Variants in PCDH15 observed in about 807,000 individuals in gnomAD.
PCDH15 encodes protocadherin related 15.
Under a neutral mutation model 178.5 loss-of-function variants are expected in PCDH15, and 129 were observed. The ratio of observed to expected loss-of-function variants is 0.72; its 90% CI spans 0.63 to 0.84. PCDH15 has a LOEUF of 0.84. Among genes scored for constraint, PCDH15 ranks in the 40% least tolerant of loss-of-function variants. The pLI, the probability that PCDH15 is intolerant of heterozygous loss-of-function variation, is 0.00. For missense variants in PCDH15, 2,230 were observed against 2,099.9 expected (o/e 1.06, Z -1.21); for synonymous variants, 800 against 732.0 (o/e 1.09, Z -1.50).
chr10:55,363,655 G>C (rs918374275), intron 2 of PCDH15, among the ~76,000 whole-genome samples: 1 of 151,956 alleles, frequency 6.6e-6, no homozygotes. Flanking sequence ...GATGTGGGGG[G>C]ACGGAATTTC....
At chr10:54,260,210 G>T (rs2057208416) in intron 8 of PCDH15, among the ~76,000 whole-genome samples, 1 of 152,096 alleles carries the variant, frequency 6.6e-6, no homozygotes, top group Non-Finnish European at 1.5e-5. Flanking sequence ...TTATAGTTTT[G>T]TCACGAGTTT....
upstream of PCDH15, among the ~76,000 whole-genome samples, chr10:54,806,256 T>C (rs535915741): frequency 2.0e-5 from 3 of 152,308 alleles, no homozygotes; most frequent in South Asian, 2.1e-4. Flanking sequence ...ATGCTGGATG[T>C]ATTAGTATTG....
At chr10:53,959,602 G>C (rs1564862328) in intron 23 of PCDH15, 130 bp downstream of exon 23, 11 of 669,302 alleles carry the variant, frequency 1.6e-5, no homozygotes, top group Non-Finnish European at 8.0e-6. Flanking sequence ...TATATTTTAT[G>C]TTAATTTAGA....
chr10:54,451,817 T>C (rs983392888), intron 3 of PCDH15, among the ~76,000 whole-genome samples: 1 of 151,944 alleles, frequency 6.6e-6, no homozygotes, highest in African/African-American at 2.4e-5. Flanking sequence ...TCATATTTTA[T>C]CAAGCTGAAA....
At chr10:54,394,920 G>A (rs550012676) in intron 3 of PCDH15, among the ~76,000 whole-genome samples, 1 of 152,196 alleles carries the variant, frequency 6.6e-6, no homozygotes, top group East Asian at 1.9e-4. Flanking sequence ...GAGAAATATG[G>A]CTCTGTTCTG....
At chr10:55,073,258 G>A (rs1472662928) in intron 2 of PCDH15, among the ~76,000 whole-genome samples, 1 of 151,980 alleles carries the variant, frequency 6.6e-6, no homozygotes, top group Non-Finnish European at 1.5e-5. Flanking sequence ...GGGCAATTAG[G>A]CAGGAGAAGG....
At chr10:55,052,933 T>A (rs538167688) in intron 2 of PCDH15, among the ~76,000 whole-genome samples, 1 of 152,132 alleles carries the variant, frequency 6.6e-6, no homozygotes. Flanking sequence ...AAATTTGACA[T>A]GCAGGAGCAA....
At chr10:54,933,937 T>G (rs975342054) in intron 2 of PCDH15, among the ~76,000 whole-genome samples, 9 of 152,160 alleles carry the variant, frequency 5.9e-5, no homozygotes, top group Non-Finnish European at 1.2e-4. Context: ...TTACTGTGAA[T>G]ATAAATTTAA....
chr10:54,667,498 G>C (rs2094589643), intron 1 of PCDH15, among the ~76,000 whole-genome samples: 1 of 152,086 alleles, frequency 6.6e-6, no homozygotes, highest in African/African-American at 2.4e-5. Context: ...GAGATCAAAT[G>C]CTTTAGACAA....
intron 2 of PCDH15, among the ~76,000 whole-genome samples, chr10:54,898,531 C>CT (rs1338994061): frequency 6.6e-6 from 1 of 152,068 alleles, no homozygotes; most frequent in East Asian, 1.9e-4. Context: ...TTCAGCAACT[C>CT]TTTCTCTCAA....
At chr10:54,092,784 C>A (rs1417007280) in intron 15 of PCDH15, among the ~76,000 whole-genome samples, 2 of 151,994 alleles carry the variant, frequency 1.3e-5, no homozygotes, top group African/African-American at 4.8e-5. Context: ...ATCTTAACCC[C>A]AAAAAGCTTA....
intron 1 of PCDH15, among the ~76,000 whole-genome samples, chr10:55,310,171 A>C (rs1843547314): frequency 6.6e-6 from 1 of 152,180 alleles, no homozygotes; most frequent in Non-Finnish European, 1.5e-5. Context: ...CACATTAAAA[A>C]TCTATAATTA....
chr10:55,369,767 A>G (rs1285568519), intron 2 of PCDH15, among the ~76,000 whole-genome samples: 1 of 152,042 alleles, frequency 6.6e-6, no homozygotes, highest in East Asian at 1.9e-4. Context: ...GTCATGCCTC[A>G]TAACCCAGAA....
chr10:55,113,338 T>C (rs935070853), intron 2 of PCDH15, among the ~76,000 whole-genome samples: 3 of 152,122 alleles, frequency 2.0e-5, no homozygotes, highest in African/African-American at 7.2e-5. Context: ...TTAGTTATCA[T>C]ATCTCCTTGG....
chr10:54,872,735 C>A (rs1954061452), intron 3 of PCDH15, among the ~76,000 whole-genome samples: 1 of 151,978 alleles, frequency 6.6e-6, no homozygotes, highest in African/African-American at 2.4e-5. Flanking sequence ...TCACTGGGAG[C>A]CACGAAGTGT....
chr10:55,004,315 T>C (rs932747897), intron 2 of PCDH15, among the ~76,000 whole-genome samples: 4 of 152,054 alleles, frequency 2.6e-5, no homozygotes, highest in Admixed American at 6.6e-5. Flanking sequence ...GATTGAGAAA[T>C]TGGTAAACAG....
chr10:55,151,695 A>G (rs11004754), intron 2 of PCDH15, among the ~76,000 whole-genome samples: 55,456 of 151,870 alleles, frequency 0.37, 10,504 homozygotes, highest in Admixed American at 0.46. Context: ...AGATTTTTGC[A>G]GACTAACATT....
chr10:55,200,971 G>A (rs1840230065), intron 1 of PCDH15, among the ~76,000 whole-genome samples: 1 of 152,038 alleles, frequency 6.6e-6, no homozygotes, highest in Non-Finnish European at 1.5e-5. Context: ...CCACTCTCAA[G>A]TAATTCCTTA....
intron 2 of PCDH15, among the ~76,000 whole-genome samples, chr10:55,013,402 C>G (rs1210053427): frequency 7.5e-6 from 1 of 134,074 alleles, no homozygotes; most frequent in Admixed American, 7.5e-5. Flanking sequence ...AGAATTGGCA[C>G]CTGGTTACCA....
Sources: gnomAD v4.1 joint callset for allele counts (sites outside exome capture counted in the v4.1 genomes callset) on GRCh38, gnomAD v4.1.1 for gene constraint, MANE v1.5 for transcripts, NCBI Gene and HGNC (gene_info 2026-07-23, HGNC 2026-07-21) for gene names.